Variants in ACACB observed in about 807,000 individuals in gnomAD.
The protein encoded by ACACB is acetyl-CoA carboxylase beta, also known as acetyl-CoA carboxylase 2.
Under a neutral mutation model 278.8 loss-of-function variants are expected in ACACB, and 209 were observed. The ratio of observed to expected loss-of-function variants is 0.75; its 90% CI spans 0.67 to 0.84. The LOEUF (loss-of-function observed/expected upper bound fraction) is 0.84, where lower values mean the gene tolerates loss of function less well. ACACB is among the 40% of genes least tolerant of loss of function. The pLI is 0.00. For synonymous variants in ACACB, 1,174 were observed against 1,285.6 expected (o/e 0.91, Z 1.86); for missense variants, 2,850 against 3,269.0 (o/e 0.87, Z 3.13).
rs142964772 is a variant in ACACB, at chr12:109,256,152, C to T, written c.6179C>T (p.Thr2060Met). 169 of 1,613,744 alleles carry T rather than the reference C, an allele frequency of 1.0e-4. No individual in the cohort carries two copies. In the African/African-American group the frequency reaches 1.6e-3, roughly 16 times the overall value. ...CTTCTGTCCACAGCTCTGAAGGGAA[C>T]GTGGCAGAGCGGATTCTTTGACCAC... ...AGRPHPTLKG[T>M]WQSGFFDHGS... The change falls in exon 45 of 53, where the codon ACG becomes ATG. Residue 2060 changes from threonine to methionine, a missense_variant. By Grantham distance (81) the Thr-to-Met change is moderately conservative. Around this residue, in one of 3 missense-constraint regions of ACACB, gnomAD observed 579 missense variants for 684.6 expected, o/e 0.85. Coordinates refer to ENST00000338432, the MANE Select transcript of ACACB (RefSeq NM_001093.4).
At chr12:109,201,759 C>G in intron 19 of ACACB, 58 bp downstream of exon 19, 2 of 1,590,614 alleles carry the variant, frequency 1.3e-6, no homozygotes, top group South Asian at 2.3e-5. Flanking sequence ...GTGACCTCCA[C>G]TGGTTCAGTG....
intron 48 of ACACB, 116 bp from the exon 49 acceptor site, chr12:109,262,241 G>A: frequency 6.7e-6 from 5 of 742,816 alleles, no homozygotes; most frequent in South Asian, 1.7e-5. Flanking sequence ...TAAAAGAGCT[G>A]AGGACTGACA....
In ACACB at chr12:109,210,216, CACACA is replaced by C. The variant is rs1565927120; in HGVS notation, c.3249+864_3249+868del. Among the ~76,000 whole-genome samples the C allele has an allele frequency of 4.8e-3, 269 of 55,558 alleles. 67 individuals carry two copies. The highest frequency in any genetic ancestry group is 0.037 in the African/African-American group (253 of 6,812). The allele number at this position is 55,558 out of a possible 152,430, so 36.4% of individuals were successfully genotyped here. On this transcript the variant is annotated intron_variant, in intron 21 of 52. Coordinates refer to ENST00000338432, the MANE Select transcript of ACACB (RefSeq NM_001093.4). ...GTGTATATGTATATATGTATATATA[CACACA>C]TGTGTGTATATGTATATATGTATAT... is the stretch of plus-strand genomic sequence containing the variant.
At chr12:109,224,191 G>C (rs1029954631) in intron 27 of ACACB, among the ~76,000 whole-genome samples, 3 of 152,138 alleles carry the variant, frequency 2.0e-5, no homozygotes, top group African/African-American at 7.2e-5. Context: ...GCTGTCTCAT[G>C]TCATTCCAGC....
Position 109,216,622 on chromosome 12 carries a change from C to G in ACACB, c.3355C>G (p.Arg1119Gly). 2 of 1,614,004 alleles carry G rather than the reference C, an allele frequency of 1.2e-6. No homozygotes were observed. Among genetic ancestry groups the G allele is most frequent in the South Asian group, 1.1e-5 (1 of 91,070 alleles). The change falls in exon 23 of 53, where the codon CGC becomes GGC. Residue 1119 changes from arginine (R) to glycine (G), a missense_variant. By Grantham distance (125) the Arg-to-Gly change is moderately radical. Transcript: ENST00000338432. ...GCAGCCTTCCCTTCTCCCCAGATAC[C>G]GCAGCGGGATCCGCGGCTATATGAA... ...QSIVQLVQRY[R>G]SGIRGYMKTV...
At chr12:109,139,239 T>C (rs1326641171) in intron 1 of ACACB, among the ~76,000 whole-genome samples, 158 bp from the exon 2 acceptor site, 1 of 152,166 alleles carries the variant, frequency 6.6e-6, no homozygotes, top group East Asian at 1.9e-4. Flanking sequence ...TGTCCAAGCC[T>C]GTTTCAGGCA....
chr12:109,223,702 CG>C, intron 26 of ACACB, 112 bp from the exon 27 acceptor site: 1 of 952,232 alleles, frequency 1.1e-6, no homozygotes, highest in South Asian at 1.4e-5. Flanking sequence ...TTTGAGGCTG[CG>C]GTGAGCTATG....
chr12:109,260,806 C>A, intron 48 of ACACB, 149 bp downstream of exon 48: 3 of 879,012 alleles, frequency 3.4e-6, no homozygotes, highest in Non-Finnish European at 1.6e-6. Context: ...TTTCCACTTC[C>A]CCTTCCCAAG....
intron 2 of ACACB, among the ~76,000 whole-genome samples, chr12:109,144,750 C>T (rs372579123): frequency 5.2e-4 from 45 of 86,774 alleles, no homozygotes; most frequent in East Asian, 2.1e-3. Flanking sequence ...TTCTTTCTTT[C>T]TTTCTTTTTT....
intron 21 of ACACB, 62 bp from the exon 22 acceptor site, chr12:109,212,758 TGGGGACCCTTTCTTTA>T: frequency 8.0e-7 from 1 of 1,246,926 alleles, no homozygotes; most frequent in Non-Finnish European, 1.2e-6. Context: ...GGTACTGGTT[TGGGGACCCTTTCTTTA>T]GGGGACTGCT....
intron 10 of ACACB, 123 bp downstream of exon 10, chr12:109,179,420 G>A: frequency 2.0e-6 from 2 of 989,094 alleles, no homozygotes; most frequent in Non-Finnish European, 3.0e-6. Context: ...AGGGATGAGG[G>A]CCCATTCCAG....
intron 2 of ACACB, among the ~76,000 whole-genome samples, chr12:109,152,640 C>CTTTTTTTTTTTTTTTT (rs34863094): frequency 2.7e-5 from 2 of 74,840 alleles, no homozygotes; most frequent in African/African-American, 9.6e-5. Context: ...TTCTTTCTTT[C>CTTTTTTTTTTTTTTTT]TTTTTTTTTT....
At chr12:109,210,673 G>A (rs2045817744) in intron 21 of ACACB, among the ~76,000 whole-genome samples, 1 of 151,352 alleles carries the variant, frequency 6.6e-6, no homozygotes, top group Non-Finnish European at 1.5e-5. Flanking sequence ...CCAGCACGTT[G>A]GGAGGCCAGG....
chr12:109,185,960 T>G (rs2044646937), intron 12 of ACACB, among the ~76,000 whole-genome samples: 1 of 152,188 alleles, frequency 6.6e-6, no homozygotes, highest in Admixed American at 6.5e-5. Flanking sequence ...AGATGGAGTC[T>G]CACCCTGTCA....
At chr12:109,143,674 A>G (rs2043174037) in intron 2 of ACACB, among the ~76,000 whole-genome samples, 1 of 152,126 alleles carries the variant, frequency 6.6e-6, no homozygotes, top group Non-Finnish European at 1.5e-5. Context: ...CTCAAGGAAC[A>G]TTCCCAGCCC....
intron 1 of ACACB, among the ~76,000 whole-genome samples, 190 bp downstream of exon 1, chr12:109,116,894 A>G (rs2042414993): frequency 6.6e-6 from 1 of 152,164 alleles, no homozygotes; most frequent in Non-Finnish European, 1.5e-5. Flanking sequence ...ATGAAAGAGA[A>G]GGGCCTTTCT....
intron 20 of ACACB, among the ~76,000 whole-genome samples, chr12:109,208,367 C>T (rs1425450718): frequency 6.6e-6 from 1 of 151,932 alleles, no homozygotes; most frequent in Non-Finnish European, 1.5e-5. Flanking sequence ...AGGTGCCTGC[C>T]ACCACACCCA....
intron 28 of ACACB, among the ~76,000 whole-genome samples, chr12:109,231,214 T>TC (rs1404556662): frequency 6.6e-6 from 1 of 151,978 alleles, no homozygotes; most frequent in East Asian, 1.9e-4. Flanking sequence ...ACTGGCTACA[T>TC]CCCCCTGCGA....
At chr12:109,209,469 C>T in intron 21 of ACACB, 116 bp downstream of exon 21, 1 of 1,059,164 alleles carries the variant, frequency 9.4e-7, no homozygotes, top group Non-Finnish European at 1.3e-6. Context: ...CCACTTATAG[C>T]CTAACATATC....
Sources: gnomAD v4.1 joint callset for allele counts (sites outside exome capture counted in the v4.1 genomes callset) on GRCh38, gnomAD v4.1.1 for gene constraint, gnomAD v4.1.1 regional missense constraint, MANE v1.5 for transcripts, NCBI Gene and HGNC (gene_info 2026-07-23, HGNC 2026-07-21) for gene names.